Variants in ZBTB20 observed in about 807,000 individuals in gnomAD.
ZBTB20 encodes the protein zinc finger and BTB domain containing 20.
A neutral mutation model predicts 56.9 loss-of-function variants in ZBTB20; 9 were observed. That is an observed-to-expected ratio of 0.16 (90% confidence interval 0.10 to 0.28). ZBTB20 has a LOEUF of 0.28. Ranked by LOEUF, ZBTB20 falls within the 10% of genes least tolerant of loss-of-function variation. ZBTB20 has a pLI of 1.00. For synonymous variants in ZBTB20, 417 were observed against 420.7 expected, an observed-to-expected ratio of 0.99 and a Z score of 0.11; for missense variants, 655 against 1,003.0, an observed-to-expected ratio of 0.65 and a Z score of 4.69.
chr3:115,027,359 T>A (rs968169660), intron 2 of ZBTB20: 3 of 150,968 alleles, frequency 2.0e-5, no homozygotes, highest in Non-Finnish European at 4.5e-5. Flanking sequence ...AGAAAAGAAA[T>A]CAATGCTACT....
At chr3:114,994,334 T>C (rs2078941293) in intron 2 of ZBTB20, among the ~76,000 whole-genome samples, 1 of 151,894 alleles carries the variant, frequency 6.6e-6, no homozygotes, top group African/African-American at 2.4e-5. Context: ...TCTCACATGG[T>C]TTAACAGTTG....
At chr3:114,642,377 T>C (rs886441096) in intron 6 of ZBTB20, among the ~76,000 whole-genome samples, 1 of 152,072 alleles carries the variant, frequency 6.6e-6, no homozygotes, top group African/African-American at 2.4e-5. Context: ...GTTAATTACT[T>C]TGATGTTCTA....
At chr3:114,770,764 C>T (rs908682692) in intron 5 of ZBTB20, among the ~76,000 whole-genome samples, 1 of 152,102 alleles carries the variant, frequency 6.6e-6, no homozygotes, top group Non-Finnish European at 1.5e-5. Flanking sequence ...CTTGAATATC[C>T]TTTATCTACA....
chr3:115,090,837 G>T (rs1246466440), intron 1 of ZBTB20, among the ~76,000 whole-genome samples: 1 of 151,808 alleles, frequency 6.6e-6, no homozygotes, highest in African/African-American at 2.4e-5. Context: ...TGTGCAATTT[G>T]CCCAGTCATA....
chr3:114,828,235 C>A (rs1156826642), intron 4 of ZBTB20, among the ~76,000 whole-genome samples: 1 of 151,500 alleles, frequency 6.6e-6, no homozygotes, highest in African/African-American at 2.4e-5. Flanking sequence ...AAATATTGAG[C>A]ACCAAGTAAG....
intron 4 of ZBTB20, among the ~76,000 whole-genome samples, chr3:114,839,427 G>GAA (rs1425150018): frequency 6.8e-6 from 1 of 147,188 alleles, no homozygotes; most frequent in Non-Finnish European, 1.5e-5. Flanking sequence ...AAGAAAGAAA[G>GAA]AAAGAAAGAA....
chr3:114,511,919 G>T (rs1480735356), intron 6 of ZBTB20, among the ~76,000 whole-genome samples: 1 of 152,076 alleles, frequency 6.6e-6, no homozygotes, highest in African/African-American at 2.4e-5. Context: ...CCTAAATCAA[G>T]CTCTTATATC....
chr3:114,856,533 T>A (rs2075262267), intron 4 of ZBTB20, among the ~76,000 whole-genome samples: 1 of 151,768 alleles, frequency 6.6e-6, no homozygotes. Context: ...GATGTATTTA[T>A]CAAAAAAAAC....
chr3:115,098,195 G>A (rs959042655), intron 1 of ZBTB20, among the ~76,000 whole-genome samples: 4 of 151,916 alleles, frequency 2.6e-5, no homozygotes, highest in African/African-American at 4.8e-5. Context: ...GTATGACTTC[G>A]TGTCATACAT....
intron 5 of ZBTB20, among the ~76,000 whole-genome samples, chr3:114,705,406 T>C (rs908460016): frequency 6.6e-6 from 1 of 152,298 alleles, no homozygotes; most frequent in Non-Finnish European, 1.5e-5. Flanking sequence ...GATAGTGTGA[T>C]GTGATTTAAA....
chr3:115,005,408 A>AT (rs1491577369), intron 2 of ZBTB20, among the ~76,000 whole-genome samples: 1 of 151,604 alleles, frequency 6.6e-6, no homozygotes, highest in African/African-American at 2.4e-5. Flanking sequence ...AATTATACAC[A>AT]TGTTTGAAAA....
intron 6 of ZBTB20, among the ~76,000 whole-genome samples, chr3:114,623,081 T>C (rs1057416100): frequency 2.6e-5 from 4 of 152,160 alleles, no homozygotes; most frequent in African/African-American, 9.7e-5. Flanking sequence ...TTAATGAACA[T>C]GCCAGATTCT....
intron 4 of ZBTB20, among the ~76,000 whole-genome samples, chr3:114,868,990 A>C (rs2075882388): frequency 6.6e-6 from 1 of 152,104 alleles, no homozygotes; most frequent in South Asian, 2.1e-4. Context: ...TTTGCTCCAT[A>C]AAGACCTTAT....
rs553995932 is a variant in ZBTB20, at chr3:114,614,882, C to T, written c.-295+78646G>A. ...AAGCGATTCTCCTGCCTTAGCCTCC[C>T]GAGTAGCTGGGATTATAGGTGTGTG... On this transcript the variant is annotated intron_variant, in intron 6 of 11. Coordinates refer to ENST00000675478, the MANE Select transcript of ZBTB20 (RefSeq NM_001348800.3). Among the ~76,000 whole-genome samples, 30 of 152,154 alleles carry T rather than the reference C, an allele frequency of 2.0e-4. No individual in the cohort carries two copies. In the Middle Eastern group the frequency reaches 0.01, roughly 52 times the overall value.
At chr3:114,411,322 G>C (rs542730180) in intron 7 of ZBTB20, among the ~76,000 whole-genome samples, 2 of 152,186 alleles carry the variant, frequency 1.3e-5, no homozygotes, top group East Asian at 3.9e-4. Context: ...ATGGCTCCAG[G>C]CATCAGTGAG....
intron 10 of ZBTB20, among the ~76,000 whole-genome samples, chr3:114,357,525 G>T (rs1424706595): frequency 5.9e-5 from 9 of 152,130 alleles, no homozygotes; most frequent in Non-Finnish European, 1.3e-4. Context: ...CATTTCTAGA[G>T]AATACTTAAA....
At chr3:114,385,434 G>A (rs190000132) in intron 8 of ZBTB20, among the ~76,000 whole-genome samples, 76 of 152,234 alleles carry the variant, frequency 5.0e-4, no homozygotes, top group Non-Finnish European at 9.6e-4. Flanking sequence ...AATACCTACC[G>A]CTTAGGGTTA....
intron 4 of ZBTB20, among the ~76,000 whole-genome samples, chr3:114,803,657 T>A (rs1009769507): frequency 6.6e-6 from 1 of 151,876 alleles, no homozygotes; most frequent in African/African-American, 2.4e-5. Context: ...TCAGGTAGAA[T>A]TGCTTAAAAG....
At chr3:114,843,862 T>A (rs2074514237) in intron 4 of ZBTB20, among the ~76,000 whole-genome samples, 1 of 151,616 alleles carries the variant, frequency 6.6e-6, no homozygotes, top group Non-Finnish European at 1.5e-5. Flanking sequence ...TTTTTTTGTA[T>A]TTTGAGTAGA....
Sources: allele counts gnomAD v4.1 joint callset (sites outside exome capture counted in the v4.1 genomes callset), GRCh38; gene constraint gnomAD v4.1.1; transcripts MANE v1.5; gene names NCBI Gene and HGNC (gene_info 2026-07-23, HGNC 2026-07-21).